PDE4D: variants seen among roughly 807,000 people sequenced by gnomAD.
PDE4D encodes phosphodiesterase 4D.
PDE4D carries 24 observed loss-of-function variants against 87.4 expected under a neutral mutation model. The observed-to-expected ratio is 0.27, with a 90% CI of 0.20 to 0.39. PDE4D has a LOEUF of 0.39. Among genes scored for constraint, PDE4D ranks in the 10% least tolerant of loss-of-function variants. The pLI, the probability that PDE4D is intolerant of heterozygous loss-of-function variation, is 1.00. For synonymous variants in PDE4D, 384 were observed against 383.2 expected, an observed-to-expected ratio of 1.00 and a Z score of -0.02; for missense variants, 714 against 1,041.0, an observed-to-expected ratio of 0.69 and a Z score of 4.32.
chr5:60,113,595 A>G (rs1777880321), intron 2 of PDE4D, among the ~76,000 whole-genome samples: 1 of 152,060 alleles, frequency 6.6e-6, no homozygotes, highest in African/African-American at 2.4e-5. Context: ...ATACATGGTT[A>G]CAGACCCCCT....
At chr5:60,122,483 T>C (rs973724632) in intron 2 of PDE4D, among the ~76,000 whole-genome samples, 1 of 152,216 alleles carries the variant, frequency 6.6e-6, no homozygotes, top group Non-Finnish European at 1.5e-5. Context: ...GAACACCACA[T>C]GGAAGATGCC....
intron 1 of PDE4D, among the ~76,000 whole-genome samples, chr5:59,468,070 C>A (rs1352051917): frequency 3.8e-4 from 58 of 152,296 alleles, no homozygotes; most frequent in South Asian, 4.1e-4. Flanking sequence ...TTAAAAGCTG[C>A]ATTTAAGTGA....
At chr5:60,211,263 T>A (rs917193209) in intron 1 of PDE4D, among the ~76,000 whole-genome samples, 3 of 151,994 alleles carry the variant, frequency 2.0e-5, no homozygotes, top group African/African-American at 7.2e-5. Context: ...GTTGAAGGAG[T>A]TTGTGTGGAC....
intron 1 of PDE4D, among the ~76,000 whole-genome samples, chr5:59,236,640 TGAGAAGAGCCAA>T (rs1341297379): frequency 3.9e-5 from 6 of 152,114 alleles, no homozygotes; most frequent in Non-Finnish European, 8.8e-5. Context: ...GCGGGAGTGG[TGAGAAGAGCCAA>T]AGCTGTCGTC....
At chr5:60,076,661 T>A (rs531875522) in intron 2 of PDE4D, among the ~76,000 whole-genome samples, 17 of 127,748 alleles carry the variant, frequency 1.3e-4, no homozygotes, top group African/African-American at 5.2e-4. Context: ...CCAACTTTGT[T>A]TTCTGGCTCC....
At chr5:59,121,439 G>GA (rs1426458259) in intron 5 of PDE4D, among the ~76,000 whole-genome samples, 2 of 151,780 alleles carry the variant, frequency 1.3e-5, no homozygotes, top group Non-Finnish European at 2.9e-5. Context: ...TGTCCAATAT[G>GA]AAAAAATGCT....
chr5:59,012,320 A>G (rs1181447781), intron 6 of PDE4D, among the ~76,000 whole-genome samples: 1 of 152,236 alleles, frequency 6.6e-6, no homozygotes, highest in Non-Finnish European at 1.5e-5. Flanking sequence ...CTTATATGTA[A>G]ATGGGCTAAA....
rs1771772049 is a variant in PDE4D at position 59,308,058 on chromosome 5, G to A, written c.456-92090C>T. 2.6e-5 allele frequency among the ~76,000 whole-genome samples: 4 copies of A among 152,196 alleles called. No individual in the cohort carries two copies. In the South Asian group the frequency reaches 8.3e-4, roughly 32 times the overall value. On this transcript the variant is annotated intron_variant, in intron 1 of 14. Transcript: ENST00000340635. Reference sequence around the variant, plus strand: ...AAAAAATGATGAGTTCATGTCCTTTGTAGGGACATGGATGAAATTGGAAAT... The same window carrying A: ...AAAAAATGATGAGTTCATGTCCTTTATAGGGACATGGATGAAATTGGAAAT...
At chr5:59,267,835 C>T (rs1763102147) in intron 1 of PDE4D, among the ~76,000 whole-genome samples, 1 of 152,040 alleles carries the variant, frequency 6.6e-6, no homozygotes, top group African/African-American at 2.4e-5. Flanking sequence ...TTCTAGTTTT[C>T]TAATTTCTTA....
intron 1 of PDE4D, among the ~76,000 whole-genome samples, chr5:59,792,139 G>A (rs73111008): frequency 0.018 from 2,747 of 152,140 alleles, 76 homozygotes; most frequent in African/African-American, 0.064. Context: ...GAGTAGTAAG[G>A]GTATAAAGGG....
chr5:59,974,675 C>T (rs1442103191), intron 3 of PDE4D, among the ~76,000 whole-genome samples: 2 of 152,168 alleles, frequency 1.3e-5, no homozygotes, highest in Non-Finnish European at 2.9e-5. Context: ...GACAGGTGGA[C>T]CAATTATTGA....
chr5:59,187,991 C>A (rs1743319849), intron 3 of PDE4D, among the ~76,000 whole-genome samples: 1 of 152,016 alleles, frequency 6.6e-6, no homozygotes, highest in African/African-American at 2.4e-5. Flanking sequence ...TTTCACTTTG[C>A]ATTGCAGGGC....
At chr5:59,074,437 T>C (rs558015983) in intron 5 of PDE4D, among the ~76,000 whole-genome samples, 2 of 152,134 alleles carry the variant, frequency 1.3e-5, no homozygotes, top group South Asian at 2.1e-4. Flanking sequence ...CCAAAAGCCA[T>C]AGAAGGTTGA....
intron 1 of PDE4D, among the ~76,000 whole-genome samples, chr5:59,222,733 TA>T (rs1212196482): frequency 6.6e-6 from 1 of 152,228 alleles, no homozygotes; most frequent in African/African-American, 2.4e-5. Flanking sequence ...AAACACAGGT[TA>T]AATTTGAAAT....
intron 5 of PDE4D, among the ~76,000 whole-genome samples, chr5:59,069,581 G>A (rs1287906413): frequency 6.6e-6 from 1 of 151,284 alleles, no homozygotes; most frequent in African/African-American, 2.4e-5. Context: ...GAGCAACCAG[G>A]AAAACAGCAG....
intron 1 of PDE4D, among the ~76,000 whole-genome samples, chr5:59,369,139 C>T (rs1783554614): frequency 6.6e-6 from 1 of 152,172 alleles, no homozygotes; most frequent in Admixed American, 6.5e-5. Flanking sequence ...TCTACTGTGG[C>T]CTTTGCTGAA....
intron 6 of PDE4D, among the ~76,000 whole-genome samples, chr5:59,022,369 CCT>C (rs1755352130): frequency 6.6e-6 from 1 of 152,040 alleles, no homozygotes; most frequent in South Asian, 2.1e-4. Flanking sequence ...ATACGTCTTT[CCT>C]CTTTCTCTCT....
chr5:60,123,164 C>T (rs1020635505), intron 2 of PDE4D, among the ~76,000 whole-genome samples: 13 of 152,164 alleles, frequency 8.5e-5, no homozygotes, highest in African/African-American at 2.7e-4. Flanking sequence ...CATACTTTCC[C>T]ACATTATTCT....
intron 1 of PDE4D, among the ~76,000 whole-genome samples, chr5:59,660,012 C>T (rs1358857048): frequency 1.3e-5 from 2 of 152,012 alleles, no homozygotes; most frequent in African/African-American, 4.8e-5. Flanking sequence ...TGGCGAGGCC[C>T]CATCTCTACT....
Sources: allele counts gnomAD v4.1 joint callset (sites outside exome capture counted in the v4.1 genomes callset), GRCh38; gene constraint gnomAD v4.1.1; transcripts MANE v1.5; gene names NCBI Gene and HGNC (gene_info 2026-07-23, HGNC 2026-07-21).